SLC2A13: variants seen among roughly 807,000 people sequenced by gnomAD.
SLC2A13 encodes solute carrier family 2 member 13.
Under a neutral mutation model 64.4 loss-of-function variants are expected in SLC2A13, and 32 were observed. The ratio of observed to expected loss-of-function variants is 0.50; its 90% confidence interval spans 0.37 to 0.67. The LOEUF is 0.67. Ranked by LOEUF, SLC2A13 falls within the 30% of genes least tolerant of loss-of-function variation. The pLI is 0.00. For missense variants in SLC2A13, 743 were observed against 829.2 expected (o/e 0.90, Z 1.28); for synonymous variants, 338 against 327.1 (o/e 1.03, Z -0.36).
chr12:39,902,358 TA>T (rs57549426), intron 4 of SLC2A13, among the ~76,000 whole-genome samples: 7 of 151,134 alleles, frequency 4.6e-5, no homozygotes, highest in African/African-American at 9.7e-5. Flanking sequence ...AAATAAAAAT[TA>T]AAAAAAAGAA....
At chr12:39,989,682 A>G (rs1947098286) in intron 3 of SLC2A13, among the ~76,000 whole-genome samples, 1 of 152,232 alleles carries the variant, frequency 6.6e-6, no homozygotes, top group Non-Finnish European at 1.5e-5. Flanking sequence ...AGGGCTAAAA[A>G]TATCATCGCC....
At position 39,807,541 on chromosome 12, in the gene SLC2A13, G is replaced by C. The variant is rs558838930; in HGVS notation, c.1445+22562C>G. Among the ~76,000 whole-genome samples the C allele has an allele frequency of 3.5e-4, 54 of 152,250 alleles. 2 individuals carry two copies. In the South Asian group the frequency reaches 0.011, roughly 31 times the overall value. On this transcript the variant is annotated intron_variant, in intron 7 of 9. Coordinates refer to ENST00000280871, the MANE Select transcript of SLC2A13 (RefSeq NM_052885.4). The stretch of plus-strand genomic sequence containing the variant: ...AAACACTAATTGAAAAACAAGTAAA[G>C]GGTGGCTATAAGACTTGATAAATAT...
chr12:39,847,918 A>G (rs1475715278), intron 6 of SLC2A13, among the ~76,000 whole-genome samples: 1 of 152,176 alleles, frequency 6.6e-6, no homozygotes, highest in Non-Finnish European at 1.5e-5. Context: ...AATGTAAATA[A>G]AAACCTAAGA....
chr12:40,009,964 T>C lies in SLC2A13; in HGVS notation c.925+18337A>G, dbSNP rs1947498558. On this transcript the variant is annotated intron_variant, in intron 3 of 9. Coordinates refer to ENST00000280871, the MANE Select transcript of SLC2A13 (RefSeq NM_052885.4). ...ATTTGTCATATTTTCTATAAAAAAC[T>C]TGAAATTATTTGACTACAATTCTGG... 3.9e-5 allele frequency among the ~76,000 whole-genome samples: 6 copies of C among 152,350 alleles called. No homozygotes were observed. In the South Asian group the frequency reaches 1.2e-3, roughly 32 times the overall value.
intron 1 of SLC2A13, among the ~76,000 whole-genome samples, chr12:40,088,329 T>C (rs1375925341): frequency 6.6e-6 from 1 of 152,180 alleles, no homozygotes; most frequent in Non-Finnish European, 1.5e-5. Flanking sequence ...TTTTAACTGC[T>C]CTCTCTAAAA....
intron 3 of SLC2A13, among the ~76,000 whole-genome samples, chr12:39,991,536 A>AT (rs1947138553): frequency 6.6e-6 from 1 of 152,050 alleles, no homozygotes; most frequent in Non-Finnish European, 1.5e-5. Context: ...TTTACCAATG[A>AT]TTTTCTTGAT....
Position 40,105,774 on chromosome 12 carries a change from G to C in SLC2A13, c.35C>G (p.Thr12Arg). Residue 12 changes from threonine (T) to arginine (R), a missense_variant, in exon 1 of 10, where the codon ACG becomes AGG. Transcript: ENST00000280871. The surrounding 1 kb of genome is among the most constrained non-coding windows in gnomAD (Gnocchi z 4.2). The stretch of plus-strand genomic sequence containing the variant: ...CATCAGGCTGCTCAGGCTCCGCAGC[G>C]TGTACTCCACATTCTCGCTTGCCTT... The part of the protein sequence containing the change: ...SRKASENVEY[T>R]LRSLSSLMGE... 1 of 1,488,412 alleles carries C rather than the reference G, an allele frequency of 6.7e-7. No individual in the cohort carries two copies. Among genetic ancestry groups the C allele is most frequent in the African/African-American group, 1.5e-5 (1 of 68,370 alleles). 92.2% of individuals were successfully genotyped at this position (1,488,412 alleles called of 1,614,324 possible). A position where few individuals can be genotyped will look rare whatever the true frequency, so the allele number is the denominator to read the frequency against.
intron 4 of SLC2A13, among the ~76,000 whole-genome samples, chr12:39,937,450 T>C (rs1453376868): frequency 4.6e-5 from 7 of 152,172 alleles, no homozygotes; most frequent in Non-Finnish European, 7.4e-5. Flanking sequence ...CTCAGATATA[T>C]TGGGGACAAG....
intron 1 of SLC2A13, among the ~76,000 whole-genome samples, chr12:40,090,864 T>C (rs1401173411): frequency 6.6e-6 from 1 of 152,170 alleles, no homozygotes; most frequent in Non-Finnish European, 1.5e-5. Context: ...TATGAAGAAG[T>C]AAAAAACTCA....
chr12:39,997,814 G>C (rs2136176890), intron 3 of SLC2A13, among the ~76,000 whole-genome samples: 1 of 152,204 alleles, frequency 6.6e-6, no homozygotes, highest in African/African-American at 2.4e-5. Context: ...CTGGGTGACA[G>C]AGCGAGACTC....
At position 39,755,238 on chromosome 12, in the gene SLC2A13, T is replaced by G. The variant is rs1383527430; in HGVS notation, c.*4788A>C. 1 of 152,116 alleles carries G rather than the reference T, an allele frequency of 6.6e-6. No individual in the cohort carries two copies. Among genetic ancestry groups the G allele is most frequent in the African/African-American group, 2.4e-5 (1 of 41,446 alleles). The allele number at this position is 152,116 out of a possible 1,614,324, so 9.4% of individuals were successfully genotyped here. A position where few individuals can be genotyped will look rare whatever the true frequency, so the allele number is the denominator to read the frequency against. Reference sequence around the variant, plus strand: ...GGATGACTTTGAAGGAAATGGTACATATTCATAATTTTTAAGAGATATCCC... The same window carrying G: ...GGATGACTTTGAAGGAAATGGTACAGATTCATAATTTTTAAGAGATATCCC... On this transcript the variant is annotated 3_prime_UTR_variant, in exon 10 of 10. Transcript: ENST00000280871.
chr12:39,845,393 A>G (rs1174575790), intron 6 of SLC2A13, among the ~76,000 whole-genome samples: 3 of 152,130 alleles, frequency 2.0e-5, no homozygotes, highest in East Asian at 3.9e-4. Flanking sequence ...GTCAAACACT[A>G]TAACACTTGG....
Position 40,048,094 on chromosome 12 carries a change from C to A in SLC2A13, c.673G>T (p.Val225Phe). ...FITGGQFFAS[V>F]VDGAFSYLQK... The stretch of plus-strand genomic sequence containing the variant: ...AGATAACTGAAGGCTCCATCAACAA[C>A]ACTTGCAAAGAACTGCCCTCCTGTG... Residue 225 changes from valine (V) to phenylalanine (F), a missense_variant, in exon 2 of 10, where the codon GTT becomes TTT. This residue lies in a region of SLC2A13 where 448 missense variants were observed against 447.4 expected (regional missense o/e 1.00). Transcript: ENST00000280871. The A allele has an allele frequency of 6.2e-7, 1 of 1,613,304 alleles. No individual in the cohort carries two copies. The highest frequency in any genetic ancestry group is 1.1e-5 in the South Asian group (1 of 90,950).
intron 2 of SLC2A13, among the ~76,000 whole-genome samples, chr12:40,039,317 T>C (rs1320522983): frequency 6.6e-6 from 1 of 152,224 alleles, no homozygotes; most frequent in Non-Finnish European, 1.5e-5. Context: ...TTGAATCTAA[T>C]AGCATTAAAG....
At chr12:40,014,389 C>T (rs1947583926) in intron 3 of SLC2A13, among the ~76,000 whole-genome samples, 1 of 152,150 alleles carries the variant, frequency 6.6e-6, no homozygotes, top group Non-Finnish European at 1.5e-5. Flanking sequence ...TACACTGAGA[C>T]CCCAAATTGA....
chr12:39,868,711 TC>T (rs1943968563), intron 5 of SLC2A13, among the ~76,000 whole-genome samples: 1 of 152,174 alleles, frequency 6.6e-6, no homozygotes, highest in Non-Finnish European at 1.5e-5. Context: ...TAGATCCAAA[TC>T]TTCCAATATT....
chr12:40,017,722 G>A (rs1947642365), intron 3 of SLC2A13, among the ~76,000 whole-genome samples: 1 of 152,178 alleles, frequency 6.6e-6, no homozygotes, highest in African/African-American at 2.4e-5. Context: ...AGATGGACCT[G>A]TGGGGCTGTG....
chr12:39,782,113 A>G (rs1941007097), intron 7 of SLC2A13, among the ~76,000 whole-genome samples: 1 of 152,210 alleles, frequency 6.6e-6, no homozygotes. Flanking sequence ...GGACATAAAG[A>G]CAAAAATCTT....
At chr12:40,056,592 C>T (rs1455337122) in intron 1 of SLC2A13, among the ~76,000 whole-genome samples, 1 of 152,102 alleles carries the variant, frequency 6.6e-6, no homozygotes, top group Non-Finnish European at 1.5e-5. Flanking sequence ...CTCTATGTGA[C>T]ATCTAGAGGC....
Sources: gnomAD v4.1 joint callset for allele counts (sites outside exome capture counted in the v4.1 genomes callset) on GRCh38, gnomAD v4.1.1 for gene constraint, gnomAD v4.1.1 regional missense constraint, Gnocchi (gnomAD v3.1) non-coding constraint, MANE v1.5 for transcripts, NCBI Gene and HGNC (gene_info 2026-07-23, HGNC 2026-07-21) for gene names.